The following FAXC variants were observed in gnomAD, a reference collection of about 807,000 sequenced individuals.
The protein encoded by FAXC is failed axon connections homolog.
A neutral mutation model predicts 41.9 loss-of-function variants in FAXC; 10 were observed. The observed-to-expected ratio is 0.24, with a 90% CI of 0.15 to 0.41. The LOEUF (loss-of-function observed/expected upper bound fraction) is 0.41. Ranked by LOEUF, FAXC falls within the 10% of genes least tolerant of loss-of-function variation. The probability of loss-of-function intolerance (pLI) is 1.00; values close to 1 mark genes in which losing one functional copy is unlikely to be tolerated. For missense variants in FAXC, 399 were observed against 510.9 expected (o/e 0.78, Z 2.11); for synonymous variants, 183 against 183.8 (o/e 1.00, Z 0.03).
At position 99,337,210 on chromosome 6, in the gene FAXC, AG is replaced by A. The variant is rs1773246304; in HGVS notation, c.403-3664del. On this transcript the variant is annotated intron_variant, in intron 2 of 5. Transcript: ENST00000389677. ...CATTAACCATTCACGATCTAGGTAA[AG>A]GGCATGGGGGTGTGCACTGTACTAT... Among the ~76,000 whole-genome samples, 3 of 151,926 alleles carry A rather than the reference AG, an allele frequency of 2.0e-5. No individual in the cohort carries two copies. The South Asian group carries it at 6.3e-4, about 32-fold the overall frequency.
chr6:99,299,871 T>C (rs1771636984), intron 4 of FAXC, among the ~76,000 whole-genome samples: 1 of 152,106 alleles, frequency 6.6e-6, no homozygotes, highest in Non-Finnish European at 1.5e-5. Context: ...CTAAAATCAC[T>C]ATATAGATTG....
chr6:99,286,864 A>T (rs1456974195), intron 5 of FAXC, among the ~76,000 whole-genome samples: 1 of 152,228 alleles, frequency 6.6e-6, no homozygotes, highest in East Asian at 1.9e-4. Flanking sequence ...AATTATATTC[A>T]ACCCTAATCA....
intron 1 of FAXC, among the ~76,000 whole-genome samples, chr6:99,344,223 A>G (rs988485717): frequency 6.6e-6 from 1 of 152,156 alleles, no homozygotes; most frequent in Admixed American, 6.6e-5. Context: ...ATTTATCCCC[A>G]TCCAAAGAGA....
intron 4 of FAXC, among the ~76,000 whole-genome samples, chr6:99,321,702 GA>G (rs1772592952): frequency 6.6e-6 from 1 of 152,186 alleles, no homozygotes; most frequent in African/African-American, 2.4e-5. Context: ...TCTATCTCCT[GA>G]AAACTGGGGA....
chr6:99,343,418 TA>T (rs1464935389), intron 1 of FAXC, among the ~76,000 whole-genome samples: 1 of 152,230 alleles, frequency 6.6e-6, no homozygotes, highest in Admixed American at 6.5e-5. Flanking sequence ...ATAAAAATGA[TA>T]TTCTGTGCTT....
At chr6:99,331,419 G>C (rs1773019583) in intron 3 of FAXC, among the ~76,000 whole-genome samples, 1 of 152,110 alleles carries the variant, frequency 6.6e-6, no homozygotes, top group South Asian at 2.1e-4. Context: ...TGGAGTATCA[G>C]CTCGGGGCTG....
chr6:99,306,500 C>T (rs890331912), intron 4 of FAXC, among the ~76,000 whole-genome samples: 4 of 152,010 alleles, frequency 2.6e-5, no homozygotes, highest in African/African-American at 9.7e-5. Flanking sequence ...AAGTGAAGAT[C>T]TAGAAAACAG....
chr6:99,290,594 C>T (rs1771202955), intron 5 of FAXC, among the ~76,000 whole-genome samples: 1 of 151,520 alleles, frequency 6.6e-6, no homozygotes, highest in Non-Finnish European at 1.5e-5. Context: ...CCCAGCTACT[C>T]AGGAGGCTGA....
intron 2 of FAXC, among the ~76,000 whole-genome samples, chr6:99,334,868 T>C (rs1261433959): frequency 6.6e-6 from 1 of 152,086 alleles, no homozygotes; most frequent in Non-Finnish European, 1.5e-5. Context: ...ACCTGCCCGG[T>C]CTCATTGGCT....
At chr6:99,347,212 G>A (rs989156886) in intron 1 of FAXC, among the ~76,000 whole-genome samples, 1 of 152,040 alleles carries the variant, frequency 6.6e-6, no homozygotes, top group Non-Finnish European at 1.5e-5. Context: ...GAGCAGCCTG[G>A]CCAACACGGT....
At chr6:99,283,251 C>T (rs1179120065) in intron 5 of FAXC, among the ~76,000 whole-genome samples, 1 of 152,176 alleles carries the variant, frequency 6.6e-6, no homozygotes, top group African/African-American at 2.4e-5. Flanking sequence ...AAAAAGTACC[C>T]ATGATTTCAT....
At chr6:99,319,225 G>A (rs1772494795) in intron 4 of FAXC, among the ~76,000 whole-genome samples, 2 of 151,938 alleles carry the variant, frequency 1.3e-5, no homozygotes, top group African/African-American at 2.4e-5. Context: ...GTGAAACCCC[G>A]TCTCTACTAA....
rs1310087638 is a variant in FAXC, at chr6:99,280,162, A to G, written c.*1002T>C. On this transcript the variant is annotated 3_prime_UTR_variant, in exon 6 of 6. Coordinates refer to ENST00000389677, the MANE Select transcript of FAXC (RefSeq NM_032511.4). ...CAATGAAAGAACCACTTTTCTGCAA[A>G]TACATGGTAGAATTGAAGACTGTTT... is the stretch of plus-strand genomic sequence containing the variant. The G allele has an allele frequency of 1.3e-5, 2 of 152,228 alleles. No homozygotes were observed. Among genetic ancestry groups the G allele is most frequent in the Non-Finnish European group, 2.9e-5 (2 of 68,042 alleles). 9.4% of individuals were successfully genotyped at this position (152,228 alleles called of 1,614,324 possible). A position where few individuals can be genotyped will look rare whatever the true frequency, so the allele number is the denominator to read the frequency against.
rs545851473 is a variant in FAXC at position 99,287,625 on chromosome 6, AGTGGTGCTTCTGCC to A, written c.940+4065_940+4078del. Among the ~76,000 whole-genome samples, 29 of 152,352 alleles carry A rather than the reference AGTGGTGCTTCTGCC, an allele frequency of 1.9e-4. No individual in the cohort carries two copies. In the South Asian group the frequency reaches 6.0e-3, roughly 32 times the overall value. Reference sequence around the variant, plus strand: ...AACACACTCACAATGAGGCAAGGCCAGTGGTGCTTCTGCCGTTCCAAAGCTAAAGCAGAAAACTG... The same window carrying A: ...AACACACTCACAATGAGGCAAGGCCAGTTCCAAAGCTAAAGCAGAAAACTG... On this transcript the variant is annotated intron_variant, in intron 5 of 5. Transcript: ENST00000389677.
chr6:99,310,187 C>T (rs189746297), intron 4 of FAXC, among the ~76,000 whole-genome samples: 4 of 152,350 alleles, frequency 2.6e-5, no homozygotes, highest in African/African-American at 4.8e-5. Flanking sequence ...GTGTACCATG[C>T]AGACAGACCG....
rs1289125413 is a variant in FAXC at position 99,349,641 on chromosome 6, G to C, written c.-269C>G. On this transcript the variant is annotated 5_prime_UTR_variant, in exon 1 of 6. Transcript: ENST00000389677. The stretch of plus-strand genomic sequence containing the variant: ...CGGCTCCCCCCGCAGCTGCCTCTCC[G>C]CCCCGCTCTTTGTGTCGGCGCCTGG... The C allele has an allele frequency of 6.6e-6, 1 of 152,344 alleles. No individual in the cohort carries two copies. The highest frequency in any genetic ancestry group is 6.6e-5 in the Admixed American group (1 of 15,234). 9.4% of individuals were successfully genotyped at this position (152,344 alleles called of 1,614,324 possible).
intron 1 of FAXC, 52 bp from the exon 2 acceptor site, chr6:99,343,085 G>T: frequency 1.3e-6 from 2 of 1,526,570 alleles, no homozygotes; most frequent in Admixed American, 2.1e-5. Context: ...ATCCACATTC[G>T]GTTCCCTTAT....
At chr6:99,325,627 T>TACTTGCTC (rs1312900001) in intron 3 of FAXC, among the ~76,000 whole-genome samples, 1 of 152,260 alleles carries the variant, frequency 6.6e-6, no homozygotes, top group Non-Finnish European at 1.5e-5. Context: ...AATGCTTTCC[T>TACTTGCTC]ACTTGCTCCT....
In FAXC at chr6:99,316,098, C is replaced by T. The variant is rs1423720560; in HGVS notation, c.823+7346G>A. 2.0e-5 allele frequency among the ~76,000 whole-genome samples: 3 copies of T among 152,130 alleles called. No homozygotes were observed. The East Asian group carries it at 5.8e-4, about 29-fold the overall frequency. On this transcript the variant is annotated intron_variant, in intron 4 of 5. Coordinates refer to ENST00000389677, the MANE Select transcript of FAXC (RefSeq NM_032511.4). ...CTAGCACCCTGTACCCCACCCTGAG[C>T]TTTAAGGGGTCAGTAGAGAGATCAA...
Sources: gnomAD v4.1 joint callset for allele counts (sites outside exome capture counted in the v4.1 genomes callset) on GRCh38, gnomAD v4.1.1 for gene constraint, MANE v1.5 for transcripts, NCBI Gene and HGNC (gene_info 2026-07-23, HGNC 2026-07-21) for gene names.